Variants in DENND5A observed in about 807,000 individuals in gnomAD.
DENND5A encodes DENN domain containing 5A, also known as DENN domain-containing protein 5A.
A neutral mutation model predicts 140.3 loss-of-function variants in DENND5A; 64 were observed. The observed-to-expected ratio is 0.46, with a 90% confidence interval of 0.37 to 0.56. The LOEUF is 0.56. Among genes scored for constraint, DENND5A ranks in the 20% least tolerant of loss-of-function variants. The probability of loss-of-function intolerance (pLI) is 0.00; values close to 1 mark genes in which losing one functional copy is unlikely to be tolerated. For synonymous variants in DENND5A, 605 were observed against 607.7 expected, an observed-to-expected ratio of 1.00 and a Z score of 0.07; for missense variants, 1,292 against 1,593.8, an observed-to-expected ratio of 0.81 and a Z score of 3.22.
rs1848609691 is a variant in DENND5A, at chr11:9,178,216, C to T, written c.1822G>A (p.Val608Ile). The change falls in exon 8 of 23, where the codon GTT (valine) becomes ATT (isoleucine). Residue 608 changes from valine (V) to isoleucine (I), a missense_variant. By Grantham distance (29) the Val-to-Ile change is conservative (BLOSUM62 3). This residue lies in a region of DENND5A where 199 missense variants were observed against 189.1 expected (regional missense o/e 1.05). Coordinates refer to ENST00000328194, the MANE Select transcript of DENND5A (RefSeq NM_015213.4). ...ACATTCAACAGCCTGATCTTGTCAA[C>T]TCGGGAATCAAATACCCGGAGTACA... ...DPVLRVFDSR[V>I]DKIRLLNVRT... 6.2e-7 allele frequency: 1 copy of T among 1,614,010 alleles called. No individual in the cohort carries two copies. The highest frequency in any genetic ancestry group is 1.1e-5 in the South Asian group (1 of 91,088).
At chr11:9,264,480 G>A (rs921493085) in intron 1 of DENND5A, among the ~76,000 whole-genome samples, 4 of 152,060 alleles carry the variant, frequency 2.6e-5, no homozygotes, top group African/African-American at 4.8e-5. Flanking sequence ...TGACTCAGGG[G>A]GCCCAGCCCA....
intron 1 of DENND5A, among the ~76,000 whole-genome samples, chr11:9,234,815 T>A (rs1564931266): frequency 6.6e-6 from 1 of 152,232 alleles, no homozygotes; most frequent in Non-Finnish European, 1.5e-5. Flanking sequence ...ATACTGCTAG[T>A]TAATCTATAA....
Position 9,139,788 on chromosome 11 carries a change from C to T in DENND5A, c.3747G>A (p.Glu1249=), listed in dbSNP as rs1847174557. Reference sequence around the variant, plus strand: ...TATGGTCTTTGATCAGTGCCACATCCTCATACATGTGTGCAGTGATGGGGC... The same window carrying T: ...TATGGTCTTTGATCAGTGCCACATCTTCATACATGTGTGCAGTGATGGGGC... The part of the protein sequence containing the change: ...ADCPITAHMY[E]DVALIKDHTL... The change falls in exon 23 of 23, where the codon GAG becomes GAA. Residue 1249 remains glutamate, a synonymous_variant. Coordinates refer to ENST00000328194, the MANE Select transcript of DENND5A (RefSeq NM_015213.4). 6.2e-7 allele frequency: 1 copy of T among 1,614,106 alleles called. No individual in the cohort carries two copies. Among genetic ancestry groups the T allele is most frequent in the Non-Finnish European group, 8.5e-7 (1 of 1,179,998 alleles).
chr11:9,234,496 T>C (rs1399884251), intron 1 of DENND5A, among the ~76,000 whole-genome samples: 3 of 152,006 alleles, frequency 2.0e-5, no homozygotes, highest in African/African-American at 7.3e-5. Context: ...ATGGAGAAAG[T>C]GGAAACCTTG....
At chr11:9,254,272 G>A (rs369464796) in intron 1 of DENND5A, among the ~76,000 whole-genome samples, 18 of 151,508 alleles carry the variant, frequency 1.2e-4, no homozygotes, top group South Asian at 6.3e-4. Context: ...GCTCAGAAAC[G>A]CCGAGGAAGT....
Position 9,144,159 on chromosome 11 carries a change from G to A in DENND5A, c.3242C>T (p.Pro1081Leu), listed in dbSNP as rs769645688. ...GATGACACTGGGGGACTGCTGCAGCGGCGGGGTCCGGCATGGCCTCTCATC... is the reference window on the plus strand; with the variant it reads ...GATGACACTGGGGGACTGCTGCAGCAGCGGGGTCCGGCATGGCCTCTCATC... Reference protein sequence around the residue: ...EVDERPCRTPPLQQSPSVIRR... With the variant: ...EVDERPCRTPLLQQSPSVIRR... The change falls in exon 19 of 23, where the codon CCG becomes CTG. Residue 1081 changes from proline (P) to leucine (L), a missense_variant. By Grantham distance (98) the Pro-to-Leu change is moderately conservative (BLOSUM62 -3). Around this residue, in one of 4 missense-constraint regions of DENND5A, gnomAD observed 498 missense variants for 689.7 expected, o/e 0.72. Coordinates refer to ENST00000328194, the MANE Select transcript of DENND5A (RefSeq NM_015213.4). 14 of 1,614,002 alleles carry A rather than the reference G, an allele frequency of 8.7e-6. 1 individual carries two copies. The highest frequency in any genetic ancestry group is 3.3e-5 in the South Asian group (3 of 91,082).
At position 9,190,688 on chromosome 11, in the gene DENND5A, C is replaced by G. The variant is rs545051015; in HGVS notation, c.1137+2806G>C. ...TAATACACTGCCCCAAAGCTTCCTT[C>G]TAAGACTGTAGTTAAAAGATACCAC... On this transcript the variant is annotated intron_variant, in intron 5 of 22. Coordinates refer to ENST00000328194, the MANE Select transcript of DENND5A (RefSeq NM_015213.4). 5.5e-4 allele frequency among the ~76,000 whole-genome samples: 84 copies of G among 152,254 alleles called. 1 individual carries two copies. The highest frequency in any genetic ancestry group is 4.2e-3 in the South Asian group (20 of 4,818).
intron 6 of DENND5A, among the ~76,000 whole-genome samples, chr11:9,179,682 A>G (rs1848662229): frequency 6.6e-6 from 1 of 152,028 alleles, no homozygotes; most frequent in African/African-American, 2.4e-5. Flanking sequence ...TATTTTCAGT[A>G]GAGACGGGGT....
At chr11:9,162,100 T>C (rs2136141706) in intron 11 of DENND5A, among the ~76,000 whole-genome samples, 1 of 151,700 alleles carries the variant, frequency 6.6e-6, no homozygotes, top group South Asian at 2.1e-4. Context: ...ACCCCAATCC[T>C]ACTTTTCAGA....
chr11:9,142,805 A>G lies in DENND5A; in HGVS notation c.3428T>C (p.Leu1143Pro). The change falls in exon 21 of 23, where the codon CTT becomes CCT. Residue 1143 changes from leucine to proline, a missense_variant. By Grantham distance (98) the Leu-to-Pro change is moderately conservative. Around this residue, in one of 4 missense-constraint regions of DENND5A, gnomAD observed 498 missense variants for 689.7 expected, o/e 0.72. Coordinates refer to ENST00000328194, the MANE Select transcript of DENND5A (RefSeq NM_015213.4). Reference sequence around the variant, plus strand: ...GAAAGCCTGTTCCAAGGCCGAGACAAGGCCACACTCTCCACAGAGCAACAG... The same window carrying G: ...GAAAGCCTGTTCCAAGGCCGAGACAGGGCCACACTCTCCACAGAGCAACAG... ...LTLLLCGECG[L>P]VSALEQAFQH... 6.2e-7 allele frequency: 1 copy of G among 1,614,154 alleles called. No homozygotes were observed. Among genetic ancestry groups the G allele is most frequent in the Non-Finnish European group, 8.5e-7 (1 of 1,180,004 alleles).
At chr11:9,254,924 A>C (rs1851880150) in intron 1 of DENND5A, among the ~76,000 whole-genome samples, 1 of 151,780 alleles carries the variant, frequency 6.6e-6, no homozygotes, top group South Asian at 2.1e-4. Flanking sequence ...TACAAAAATT[A>C]GCTGGGCGTG....
At chr11:9,150,832 A>C (rs1326855742) in intron 13 of DENND5A, 68 bp from the exon 14 acceptor site, 3 of 919,704 alleles carry the variant, frequency 3.3e-6, no homozygotes, top group African/African-American at 1.7e-5. Context: ...CCCTTCCCTT[A>C]CCTTAAATCA....
chr11:9,186,410 C>A lies in DENND5A; in HGVS notation c.1138-5326G>T, dbSNP rs1359192939. ...TCATAAGCCCTGTCCATACACCTAACAAAACAAGCCACTGTGACCCACGAA... is the reference window on the plus strand; with the variant it reads ...TCATAAGCCCTGTCCATACACCTAAAAAAACAAGCCACTGTGACCCACGAA... On this transcript the variant is annotated intron_variant, in intron 5 of 22. Transcript: ENST00000328194. 4.6e-5 allele frequency among the ~76,000 whole-genome samples: 7 copies of A among 152,318 alleles called. 1 individual carries two copies. The East Asian group carries it at 1.3e-3, about 29-fold the overall frequency.
At chr11:9,206,206 C>T (rs1849686976) in intron 3 of DENND5A, among the ~76,000 whole-genome samples, 1 of 152,042 alleles carries the variant, frequency 6.6e-6, no homozygotes, top group African/African-American at 2.4e-5. Context: ...GTATATTCTT[C>T]CACATGAGAT....
At chr11:9,167,262 T>C (rs1848221939) in intron 10 of DENND5A, among the ~76,000 whole-genome samples, 1 of 151,952 alleles carries the variant, frequency 6.6e-6, no homozygotes, top group African/African-American at 2.4e-5. Flanking sequence ...GGCCCCTTAA[T>C]CTATCTCTAC....
chr11:9,140,986 C>T (rs577803308), intron 22 of DENND5A, among the ~76,000 whole-genome samples: 10 of 152,178 alleles, frequency 6.6e-5, no homozygotes, highest in African/African-American at 2.2e-4. Context: ...ACTAGCCAGG[C>T]GTGATGGCGC....
chr11:9,194,847 G>A (rs892134229), intron 4 of DENND5A, among the ~76,000 whole-genome samples: 1 of 150,692 alleles, frequency 6.6e-6, no homozygotes, highest in Non-Finnish European at 1.5e-5. Context: ...AGCCTCCCGA[G>A]TAGCTGGGAT....
chr11:9,207,869 G>A (rs1368985667), intron 1 of DENND5A, among the ~76,000 whole-genome samples: 1 of 152,016 alleles, frequency 6.6e-6, no homozygotes, highest in East Asian at 1.9e-4. Flanking sequence ...AATGCTGACT[G>A]CAGACCTACT....
intron 22 of DENND5A, among the ~76,000 whole-genome samples, chr11:9,140,740 C>T (rs1257369105): frequency 6.6e-6 from 1 of 152,214 alleles, no homozygotes; most frequent in African/African-American, 2.4e-5. Context: ...GATCTTTCTC[C>T]TCTACCTTTT....
Sources: allele counts gnomAD v4.1 joint callset (sites outside exome capture counted in the v4.1 genomes callset), GRCh38; gene constraint gnomAD v4.1.1; regional missense constraint gnomAD v4.1.1; transcripts MANE v1.5; gene names NCBI Gene and HGNC (gene_info 2026-07-23, HGNC 2026-07-21).